The following ASIC2 variants were observed in gnomAD, a reference collection of about 807,000 sequenced individuals.
ASIC2 encodes acid sensing ion channel subunit 2, also known as acid-sensing ion channel 2.
Under a neutral mutation model 57.3 loss-of-function variants are expected in ASIC2, and 25 were observed. The observed-to-expected ratio is 0.44, with a 90% CI of 0.32 to 0.61. The LOEUF is 0.61. ASIC2 is among the 20% of genes least tolerant of loss of function. The probability of loss-of-function intolerance (pLI) is 0.06; values close to 1 mark genes in which losing one functional copy is unlikely to be tolerated. For missense variants in ASIC2, 641 were observed against 738.1 expected (o/e 0.87, Z 1.52); for synonymous variants, 319 against 307.5 (o/e 1.04, Z -0.39).
At chr17:34,079,462 C>T (rs1909798272) in intron 1 of ASIC2, among the ~76,000 whole-genome samples, 1 of 152,214 alleles carries the variant, frequency 6.6e-6, no homozygotes, top group Admixed American at 6.5e-5. Context: ...GAAGGCTTCT[C>T]AACCTCCCAG....
intron 1 of ASIC2, among the ~76,000 whole-genome samples, chr17:33,426,663 C>A (rs753175125): frequency 1.3e-5 from 2 of 152,206 alleles, no homozygotes; most frequent in Non-Finnish European, 2.9e-5. Flanking sequence ...CTTCTGGGCC[C>A]TGGTTTTCTA....
intron 1 of ASIC2, among the ~76,000 whole-genome samples, chr17:34,141,129 T>C (rs1912260139): frequency 6.6e-6 from 1 of 150,584 alleles, no homozygotes; most frequent in Non-Finnish European, 1.5e-5. Flanking sequence ...AAATTGAAGA[T>C]CATTGTGCAA....
At chr17:33,562,845 T>G (rs1481298514) in intron 1 of ASIC2, among the ~76,000 whole-genome samples, 8 of 152,192 alleles carry the variant, frequency 5.3e-5, no homozygotes, top group Non-Finnish European at 2.9e-5. Context: ...CTGCCTCTGA[T>G]GACATGTGGA....
intron 1 of ASIC2, among the ~76,000 whole-genome samples, chr17:33,249,140 AAG>A (rs1184521607): frequency 6.6e-6 from 1 of 152,088 alleles, no homozygotes; most frequent in Non-Finnish European, 1.5e-5. Context: ...GTGAGAGAGA[AAG>A]AGAAGGGTGA....
intron 1 of ASIC2, among the ~76,000 whole-genome samples, chr17:33,238,779 TA>T (rs1908393358): frequency 6.6e-6 from 1 of 152,156 alleles, no homozygotes; most frequent in South Asian, 2.1e-4. Context: ...CTCATGCCTG[TA>T]ATCACTTGAG....
intron 1 of ASIC2, among the ~76,000 whole-genome samples, chr17:33,831,384 G>T (rs1204292544): frequency 2.0e-5 from 3 of 151,968 alleles, no homozygotes; most frequent in Non-Finnish European, 4.4e-5. Flanking sequence ...TCCCTCAAGT[G>T]CTGGGAAAGT....
intron 1 of ASIC2, among the ~76,000 whole-genome samples, chr17:33,714,782 T>C (rs1322918550): frequency 1.3e-5 from 2 of 151,490 alleles, no homozygotes; most frequent in African/African-American, 4.8e-5. Flanking sequence ...CACTGGTATT[T>C]GTTATATTAC....
intron 1 of ASIC2, among the ~76,000 whole-genome samples, chr17:33,673,897 C>CTTTTTTTTTTTTTTT (rs574986885): frequency 7.1e-6 from 1 of 141,132 alleles, no homozygotes; most frequent in African/African-American, 2.7e-5. Flanking sequence ...GCATCCGTGT[C>CTTTTTTTTTTTTTTT]TTTTTTTTTT....
At chr17:33,550,257 A>C (rs978662118) in intron 1 of ASIC2, among the ~76,000 whole-genome samples, 6 of 152,226 alleles carry the variant, frequency 3.9e-5, no homozygotes, top group African/African-American at 1.4e-4. Context: ...GATCTCAAGC[A>C]GTGTTGTTCT....
chr17:33,086,547 G>A (rs970902846), intron 3 of ASIC2, among the ~76,000 whole-genome samples: 2 of 152,112 alleles, frequency 1.3e-5, no homozygotes, highest in Non-Finnish European at 2.9e-5. Context: ...AGTGCTGACC[G>A]ATTTTCTCTC....
intron 1 of ASIC2, among the ~76,000 whole-genome samples, chr17:33,920,862 C>T (rs1172977417): frequency 6.6e-6 from 1 of 152,196 alleles, no homozygotes; most frequent in Non-Finnish European, 1.5e-5. Context: ...CATCCCCAGA[C>T]ACTTGTTTCA....
intron 1 of ASIC2, among the ~76,000 whole-genome samples, chr17:33,219,582 C>A (rs989098763): frequency 1.3e-5 from 2 of 152,208 alleles, no homozygotes; most frequent in Admixed American, 6.5e-5. Flanking sequence ...AACCTGAGTT[C>A]TTCTGCCTTT....
intron 1 of ASIC2, among the ~76,000 whole-genome samples, chr17:33,459,657 C>G (rs1270041963): frequency 6.6e-6 from 1 of 152,222 alleles, no homozygotes; most frequent in Non-Finnish European, 1.5e-5. Context: ...ACATATTAAG[C>G]TGTTCTGTCG....
chr17:33,761,996 G>A (rs1051626875), intron 1 of ASIC2, among the ~76,000 whole-genome samples: 5 of 152,168 alleles, frequency 3.3e-5, no homozygotes, highest in Non-Finnish European at 2.9e-5. Context: ...AAGGGTGGAT[G>A]AAGGCATGGA....
intron 1 of ASIC2, among the ~76,000 whole-genome samples, chr17:33,946,609 G>C (rs559473601): frequency 6.6e-6 from 1 of 152,278 alleles, no homozygotes; most frequent in South Asian, 2.1e-4. Context: ...TGCCTTCTAG[G>C]ACTCATAGGC....
At chr17:33,591,555 C>T (rs1826415768) in intron 1 of ASIC2, among the ~76,000 whole-genome samples, 1 of 152,176 alleles carries the variant, frequency 6.6e-6, no homozygotes. Flanking sequence ...AATATCCTTT[C>T]TGGGCCATCC....
intron 1 of ASIC2, among the ~76,000 whole-genome samples, chr17:33,112,472 G>C (rs2092263370): frequency 6.6e-6 from 1 of 152,116 alleles, no homozygotes; most frequent in South Asian, 2.1e-4. Flanking sequence ...ATACCTTTGA[G>C]ATGTGCTTCA....
intron 1 of ASIC2, among the ~76,000 whole-genome samples, chr17:33,204,769 G>C (rs1374767996): frequency 6.6e-6 from 1 of 152,234 alleles, no homozygotes. Flanking sequence ...TATTAGAGAA[G>C]TGGGCTTTCA....
At chr17:33,799,377 C>CTTTCTTTCTTTCTTTT (rs1567718840) in intron 1 of ASIC2, among the ~76,000 whole-genome samples, 5 of 40,948 alleles carry the variant, frequency 1.2e-4, no homozygotes, top group African/African-American at 3.1e-4. Context: ...TTTCTTTCTT[C>CTTTCTTTCTTTCTTTT]CTTTCTTTCT....
Sources: gnomAD v4.1 joint callset for allele counts (sites outside exome capture counted in the v4.1 genomes callset) on GRCh38, gnomAD v4.1.1 for gene constraint, MANE v1.5 for transcripts, NCBI Gene and HGNC (gene_info 2026-07-23, HGNC 2026-07-21) for gene names.